Variants in RAPGEF5 observed in about 807,000 individuals in gnomAD.
RAPGEF5 encodes the protein M-Ras-regulated GEF.
A neutral mutation model predicts 125.2 loss-of-function variants in RAPGEF5; 65 were observed. The observed-to-expected ratio is 0.52, with a 90% CI of 0.43 to 0.64. The LOEUF (loss-of-function observed/expected upper bound fraction) is 0.64, where lower values mean the gene tolerates loss of function less well. RAPGEF5 is among the 30% of genes least tolerant of loss of function. RAPGEF5 has a pLI of 0.00. For missense variants in RAPGEF5, 958 were observed against 1,048.1 expected (o/e 0.91, Z 1.19); for synonymous variants, 391 against 385.9 (o/e 1.01, Z -0.16).
chr7:22,138,031 A>ACG (rs1341155564), intron 21 of RAPGEF5, among the ~76,000 whole-genome samples: 40 of 132,192 alleles, frequency 3.0e-4, no homozygotes, highest in Admixed American at 6.2e-4. Flanking sequence ...ACACACACAC[A>ACG]CACGCACGCA....
At position 22,129,214 on chromosome 7, in the gene RAPGEF5, A is replaced by G. The variant is rs145399605; in HGVS notation, c.2481+1823T>C. Among the ~76,000 whole-genome samples the G allele has an allele frequency of 2.0e-5, 3 of 152,012 alleles. No homozygotes were observed. In the East Asian group the frequency reaches 5.8e-4, roughly 29 times the overall value. The stretch of plus-strand genomic sequence containing the variant: ...GCACTATCTGAGGGGGAAATGACAT[A>G]ATGAACTTAACAAATTCACTGGTTC... On this transcript the variant is annotated intron_variant, in intron 24 of 25. Coordinates refer to ENST00000665637, the MANE Select transcript of RAPGEF5 (RefSeq NM_012294.5).
At position 22,230,840 on chromosome 7, in the gene RAPGEF5, T is replaced by A. The variant is rs765504656; in HGVS notation, c.870+6A>T. Reference sequence around the variant, plus strand: ...TGATGAGGGGCTGTCACAGAATTGATCATACCTGAGAATCTGGAACACTTT... The same window carrying A: ...TGATGAGGGGCTGTCACAGAATTGAACATACCTGAGAATCTGGAACACTTT... On this transcript the variant is annotated splice_donor_region_variant and intron_variant, in intron 8 of 25. Transcript: ENST00000665637. The A allele has an allele frequency of 4.5e-6, 7 of 1,564,086 alleles. No homozygotes were observed. The highest frequency in any genetic ancestry group is 6.1e-6 in the Non-Finnish European group (7 of 1,151,884).
intron 11 of RAPGEF5, among the ~76,000 whole-genome samples, chr7:22,185,727 A>G (rs1000737972): frequency 9.2e-5 from 14 of 152,192 alleles, no homozygotes; most frequent in Non-Finnish European, 1.5e-4. Flanking sequence ...ATCTGGAAAA[A>G]CAAGCCCTTA....
intron 20 of RAPGEF5, among the ~76,000 whole-genome samples, chr7:22,140,959 T>C (rs548126962): frequency 6.6e-6 from 1 of 152,240 alleles, no homozygotes; most frequent in East Asian, 1.9e-4. Context: ...TATGTAAAAA[T>C]ATGAAGTACT....
At chr7:22,334,765 C>T (rs1783993614) in intron 1 of RAPGEF5, among the ~76,000 whole-genome samples, 2 of 152,200 alleles carry the variant, frequency 1.3e-5, no homozygotes, top group African/African-American at 4.8e-5. Context: ...GGTTAAGTCA[C>T]TTGCCCACAG....
At chr7:22,216,831 C>T (rs964905791) in intron 9 of RAPGEF5, among the ~76,000 whole-genome samples, 1 of 152,196 alleles carries the variant, frequency 6.6e-6, no homozygotes, top group African/African-American at 2.4e-5. Context: ...ATTTCAGAAA[C>T]ACCTTGGCAA....
intron 1 of RAPGEF5, among the ~76,000 whole-genome samples, chr7:22,334,788 T>TG (rs1783993935): frequency 6.6e-6 from 1 of 152,176 alleles, no homozygotes; most frequent in Admixed American, 6.5e-5. Flanking sequence ...ATTCAGTGGG[T>TG]GAGGGTCAGG....
intron 7 of RAPGEF5, among the ~76,000 whole-genome samples, chr7:22,231,722 A>C (rs1190454080): frequency 6.6e-6 from 1 of 152,192 alleles, no homozygotes; most frequent in African/African-American, 2.4e-5. Context: ...TAATGACTGG[A>C]TTACTTTTCT....
intron 7 of RAPGEF5, among the ~76,000 whole-genome samples, chr7:22,258,679 T>G (rs113587476): frequency 0.044 from 4,619 of 105,820 alleles, 100 homozygotes; most frequent in African/African-American, 0.078. Flanking sequence ...TGGAACAGAA[T>G]AGAGAGCCCA....
intron 5 of RAPGEF5, among the ~76,000 whole-genome samples, chr7:22,292,271 G>C (rs952843091): frequency 6.6e-6 from 1 of 152,226 alleles, no homozygotes; most frequent in Non-Finnish European, 1.5e-5. Context: ...GAAGGGAAAA[G>C]CCAGTTGGAT....
chr7:22,216,739 G>C (rs891559361), intron 9 of RAPGEF5, among the ~76,000 whole-genome samples: 6 of 152,158 alleles, frequency 3.9e-5, no homozygotes, highest in African/African-American at 1.2e-4. Context: ...CTTGCTCATT[G>C]TGCCTACAGC....
At chr7:22,268,160 G>A (rs937174233) in intron 6 of RAPGEF5, among the ~76,000 whole-genome samples, 2 of 152,128 alleles carry the variant, frequency 1.3e-5, no homozygotes, top group African/African-American at 4.8e-5. Flanking sequence ...GCATAGTCTT[G>A]ATTTAGCTGA....
chr7:22,297,449 A>T (rs1168383689), intron 5 of RAPGEF5, among the ~76,000 whole-genome samples: 2 of 152,214 alleles, frequency 1.3e-5, no homozygotes, highest in Non-Finnish European at 2.9e-5. Context: ...GTAAGAGGGG[A>T]GCAATTGTGA....
At chr7:22,315,043 AT>A (rs1195611256) in intron 3 of RAPGEF5, among the ~76,000 whole-genome samples, 1 of 152,066 alleles carries the variant, frequency 6.6e-6, no homozygotes, top group Non-Finnish European at 1.5e-5. Context: ...GGGGATCTAT[AT>A]TTATTAAAGA....
intron 2 of RAPGEF5, among the ~76,000 whole-genome samples, chr7:22,315,832 T>A (rs1328782807): frequency 6.6e-6 from 1 of 152,052 alleles, no homozygotes; most frequent in East Asian, 1.9e-4. Context: ...TACAGCAAAT[T>A]GAAGACTTTA....
At chr7:22,353,848 T>C (rs1397824123) in intron 1 of RAPGEF5, among the ~76,000 whole-genome samples, 3 of 152,134 alleles carry the variant, frequency 2.0e-5, no homozygotes, top group African/African-American at 7.2e-5. Flanking sequence ...AATGGCAGTT[T>C]GATTTTTTCC....
intron 1 of RAPGEF5, among the ~76,000 whole-genome samples, chr7:22,326,089 T>C (rs1783808959): frequency 6.6e-6 from 1 of 152,232 alleles, no homozygotes; most frequent in African/African-American, 2.4e-5. Flanking sequence ...TAAACTACTG[T>C]CTTAAATGTG....
chr7:22,301,436 A>C (rs562117613), intron 5 of RAPGEF5, among the ~76,000 whole-genome samples: 4 of 152,210 alleles, frequency 2.6e-5, no homozygotes, highest in Admixed American at 1.3e-4. Flanking sequence ...TAACACAGTG[A>C]AACCCCATCT....
chr7:22,253,908 T>C (rs1326372749), intron 7 of RAPGEF5, among the ~76,000 whole-genome samples: 7 of 152,062 alleles, frequency 4.6e-5, no homozygotes, highest in Admixed American at 3.9e-4. Context: ...ACCTGTCAAC[T>C]AAAAATAAAA....
Sources: gnomAD v4.1 joint callset for allele counts (sites outside exome capture counted in the v4.1 genomes callset) on GRCh38, gnomAD v4.1.1 for gene constraint, MANE v1.5 for transcripts, NCBI Gene and HGNC (gene_info 2026-07-23, HGNC 2026-07-21) for gene names.